Variants in CDIN1 observed in about 807,000 individuals in gnomAD.
CDIN1 encodes CDAN1 interacting nuclease 1, also known as CDAN1-interacting nuclease 1.
Under a neutral mutation model 45.3 loss-of-function variants are expected in CDIN1, and 33 were observed. That is an observed-to-expected ratio of 0.73 (90% CI 0.55 to 0.97). The LOEUF is 0.97. Ranked by LOEUF, CDIN1 falls within the 50% of genes least tolerant of loss-of-function variation. The probability of loss-of-function intolerance (pLI) is 0.00; values close to 1 mark genes in which losing one functional copy is unlikely to be tolerated. For synonymous variants in CDIN1, 118 were observed against 124.4 expected (o/e 0.95, Z 0.34); for missense variants, 303 against 339.4 (o/e 0.89, Z 0.84).
At chr15:36,799,627 AC>A (rs1321862606) in intron 10 of CDIN1, 1 of 151,968 alleles carries the variant, frequency 6.6e-6, no homozygotes, top group Non-Finnish European at 1.5e-5. Flanking sequence ...GTTACTGTGA[AC>A]CCTTTGGCAT....
chr15:36,736,892 C>T (rs1010700972), intron 10 of CDIN1, among the ~76,000 whole-genome samples: 22 of 152,044 alleles, frequency 1.4e-4, no homozygotes, highest in African/African-American at 5.1e-4. Context: ...ACTGGCCGGG[C>T]ACAGTGGCTC....
intron 10 of CDIN1, among the ~76,000 whole-genome samples, chr15:36,798,025 CAAAAA>C (rs11307856): frequency 1.4e-4 from 13 of 93,588 alleles, no homozygotes; most frequent in Non-Finnish European, 1.8e-4. Context: ...GAGTTATTAG[CAAAAA>C]AAAAAAAAAA....
intron 10 of CDIN1, among the ~76,000 whole-genome samples, chr15:36,727,011 C>G (rs903110242): frequency 5.3e-5 from 8 of 152,018 alleles, no homozygotes; most frequent in African/African-American, 1.9e-4. Context: ...GTTGTTTTGC[C>G]AGGTTCCTGG....
rs774602335 is a variant in CDIN1, at chr15:36,808,477, C to T, written c.*24C>T. ...GACCCTGAAGATCCTGGAAGAGAAG[C>T]TGGGAGGAAAAGGTGAATCCGGAAG... On this transcript the variant is annotated 3_prime_UTR_variant, in exon 11 of 11. Coordinates refer to ENST00000566621, the MANE Select transcript of CDIN1 (RefSeq NM_001321759.2). The T allele has an allele frequency of 3.7e-6, 6 of 1,612,360 alleles. No homozygotes were observed. Among genetic ancestry groups the T allele is most frequent in the Non-Finnish European group, 5.1e-6 (6 of 1,178,992 alleles).
chr15:36,652,818 A>G (rs1334180345), intron 3 of CDIN1, among the ~76,000 whole-genome samples: 1 of 152,144 alleles, frequency 6.6e-6, no homozygotes, highest in Non-Finnish European at 1.5e-5. Context: ...AAATAATATA[A>G]TTTAGTACCT....
intron 1 of CDIN1, among the ~76,000 whole-genome samples, chr15:36,635,743 T>C (rs1359478579): frequency 6.6e-6 from 1 of 152,212 alleles, no homozygotes; most frequent in Non-Finnish European, 1.5e-5. Context: ...TAAAACATTC[T>C]GCAGGGAACT....
intron 1 of CDIN1, among the ~76,000 whole-genome samples, chr15:36,607,484 A>T (rs2038431114): frequency 6.6e-6 from 1 of 152,178 alleles, no homozygotes; most frequent in African/African-American, 2.4e-5. Context: ...AGCTTACTTC[A>T]TATGATCTAA....
chr15:36,788,666 T>C (rs74008785), intron 10 of CDIN1, among the ~76,000 whole-genome samples: 2,608 of 152,108 alleles, frequency 0.017, 72 homozygotes, highest in African/African-American at 0.06. Flanking sequence ...CTTAAATATA[T>C]TTTAATAATG....
At chr15:36,616,916 C>T (rs2038920831) in intron 1 of CDIN1, among the ~76,000 whole-genome samples, 1 of 151,540 alleles carries the variant, frequency 6.6e-6, no homozygotes. Context: ...CACAGCAAGA[C>T]TTAGTGTCAA....
Position 36,607,025 on chromosome 15 carries a change from G to T in CDIN1, c.101+27064G>T, listed in dbSNP as rs150453865. On this transcript the variant is annotated intron_variant, in intron 1 of 10. Coordinates refer to ENST00000566621, the MANE Select transcript of CDIN1 (RefSeq NM_001321759.2). ...CTACCATTTTGGTGGCATTTTCTGG[G>T]TTGATCAGTGGTACTTGTGACAGAA... Among the ~76,000 whole-genome samples the T allele has an allele frequency of 8.6e-3, 1,303 of 152,272 alleles. 21 individuals carry two copies. Among genetic ancestry groups the T allele is most frequent in the African/African-American group, 0.03 (1,262 of 41,556 alleles).
At chr15:36,780,992 C>T (rs191182698) in intron 10 of CDIN1, among the ~76,000 whole-genome samples, 1 of 152,258 alleles carries the variant, frequency 6.6e-6, no homozygotes, top group African/African-American at 2.4e-5. Context: ...TTCAAAAGGT[C>T]CAAGGACGCC....
intron 7 of CDIN1, among the ~76,000 whole-genome samples, chr15:36,694,240 T>G (rs2042347294): frequency 6.6e-6 from 1 of 152,322 alleles, no homozygotes; most frequent in Admixed American, 6.5e-5. Context: ...TTTCATATAA[T>G]GTATAAATGC....
intron 10 of CDIN1, among the ~76,000 whole-genome samples, chr15:36,724,168 T>C (rs972170999): frequency 1.1e-4 from 17 of 152,198 alleles, no homozygotes; most frequent in Non-Finnish European, 2.4e-4. Flanking sequence ...GATTAGGACC[T>C]AACTTTAGGA....
chr15:36,584,896 A>C (rs1181931683), intron 1 of CDIN1, among the ~76,000 whole-genome samples: 1 of 152,224 alleles, frequency 6.6e-6, no homozygotes, highest in Non-Finnish European at 1.5e-5. Flanking sequence ...ATAACAAAAT[A>C]ATGTTGAACA....
At chr15:36,618,212 A>G in intron 1 of CDIN1, 1 of 677,898 alleles carries the variant, frequency 1.5e-6, no homozygotes, top group Middle Eastern at 2.6e-4. Flanking sequence ...AAAAACCTGA[A>G]GCCTCATTTT....
chr15:36,592,076 TG>T (rs2037602555), intron 1 of CDIN1, among the ~76,000 whole-genome samples: 1 of 99,936 alleles, frequency 1.0e-5, no homozygotes, highest in African/African-American at 3.3e-5. Flanking sequence ...GCTCTAGATC[TG>T]ATTTTTTTTT....
chr15:36,617,058 G>T (rs142460428), intron 1 of CDIN1: 1 of 772,630 alleles, frequency 1.3e-6, no homozygotes, highest in Non-Finnish European at 2.4e-6. Flanking sequence ...AGTTGCAGCT[G>T]TGGGAACGAT....
In CDIN1 at chr15:36,691,713, A is replaced by G. The variant is rs1213844571; in HGVS notation, c.375A>G (p.Leu125=). The change falls in exon 6 of 11, where the codon CTA becomes CTG. Residue 125 remains leucine (L), a synonymous_variant. Coordinates refer to ENST00000566621, the MANE Select transcript of CDIN1 (RefSeq NM_001321759.2). ...PPSKSIINSM[L]RDPSQIPDGV... ...CCAAGTCTATTATAAATAGTATGCT[A>G]CGGGACCCTTCTCAGATTCCAGATG... 6 of 1,603,034 alleles carry G rather than the reference A, an allele frequency of 3.7e-6. No homozygotes were observed. Among genetic ancestry groups the G allele is most frequent in the South Asian group, 2.3e-5 (2 of 88,844 alleles).
intron 1 of CDIN1, chr15:36,618,632 A>G (rs1474781142): frequency 1.2e-6 from 1 of 824,472 alleles, no homozygotes; most frequent in Non-Finnish European, 2.2e-6. Flanking sequence ...GAAAAGGATA[A>G]TGAAGTGTTG....
Sources: gnomAD v4.1 joint callset for allele counts (sites outside exome capture counted in the v4.1 genomes callset) on GRCh38, gnomAD v4.1.1 for gene constraint, MANE v1.5 for transcripts, NCBI Gene and HGNC (gene_info 2026-07-23, HGNC 2026-07-21) for gene names.